Variants in FRAS1 observed in about 807,000 individuals in gnomAD.
FRAS1 encodes extracellular matrix organizing protein FRAS1.
Under a neutral mutation model 435.2 loss-of-function variants are expected in FRAS1, and 290 were observed. The observed-to-expected ratio is 0.67, with a 90% CI of 0.61 to 0.73. The LOEUF is 0.73. FRAS1 is among the 30% of genes least tolerant of loss of function. The probability of loss-of-function intolerance (pLI) is 0.00; values close to 1 mark genes in which losing one functional copy is unlikely to be tolerated. For missense variants in FRAS1, 4,860 were observed against 5,001.5 expected, an observed-to-expected ratio of 0.97 and a Z score of 0.85; for synonymous variants, 1,800 against 1,851.0, an observed-to-expected ratio of 0.97 and a Z score of 0.71.
At chr4:78,410,388 A>T (rs1037623966) in intron 31 of FRAS1, among the ~76,000 whole-genome samples, 1 of 151,544 alleles carries the variant, frequency 6.6e-6, no homozygotes, top group African/African-American at 2.4e-5. Flanking sequence ...CAAATTGGCC[A>T]TATATGGAAA....
intron 58 of FRAS1, among the ~76,000 whole-genome samples, chr4:78,486,228 G>A (rs572078093): frequency 1.3e-5 from 2 of 152,256 alleles, no homozygotes; most frequent in South Asian, 2.1e-4. Flanking sequence ...AGGCACTGGC[G>A]TTTACATTCA....
chr4:78,170,026 A>G (rs1721485598), intron 2 of FRAS1, among the ~76,000 whole-genome samples: 1 of 152,200 alleles, frequency 6.6e-6, no homozygotes, highest in Admixed American at 6.5e-5. Context: ...AAAGTCCTGC[A>G]CATAATATGT....
chr4:78,266,060 G>A (rs1726337622), intron 7 of FRAS1, among the ~76,000 whole-genome samples: 1 of 152,158 alleles, frequency 6.6e-6, no homozygotes, highest in African/African-American at 2.4e-5. Flanking sequence ...ATCTGTAATG[G>A]CATCTTCAAC....
rs370907958 is a variant in FRAS1 at position 78,507,479 on chromosome 4, T to A, written c.9375T>A (p.His3125Gln). 1.1e-4 allele frequency: 178 copies of A among 1,612,888 alleles called. 1 individual carries two copies. The highest frequency in any genetic ancestry group is 9.2e-5 in the Non-Finnish European group (109 of 1,179,508). The change falls in exon 62 of 74, where the codon CAT becomes CAA. Residue 3125 changes from histidine to glutamine, a missense_variant. Coordinates refer to ENST00000512123, the MANE Select transcript of FRAS1 (RefSeq NM_025074.7). The part of the protein sequence containing the change: ...EILSNEDREW[H>Q]ESFSLVLGPD... ...TGTCCAATGAAGACCGGGAATGGCA[T>A]GAATCTTTCTCACTAGTCCTTGGCC...
intron 68 of FRAS1, 127 bp downstream of exon 68, chr4:78,521,757 G>A: frequency 1.7e-6 from 1 of 593,628 alleles, no homozygotes; most frequent in Non-Finnish European, 2.9e-6. Context: ...ACATCCATGT[G>A]CACATACATC....
chr4:78,062,939 C>T (rs1182440763), intron 1 of FRAS1, among the ~76,000 whole-genome samples: 1 of 152,122 alleles, frequency 6.6e-6, no homozygotes, highest in Non-Finnish European at 1.5e-5. Context: ...TGGCATTGTT[C>T]ATAGTTAGAG....
At chr4:78,499,621 G>A (rs2109874066) in intron 60 of FRAS1, 100 bp from the exon 61 acceptor site, 1 of 1,155,942 alleles carries the variant, frequency 8.7e-7, no homozygotes, top group Non-Finnish European at 1.2e-6. Context: ...GTTAACTAAT[G>A]TGAACAATTT....
chr4:78,540,790 C>G lies in FRAS1; in HGVS notation c.11705C>G (p.Thr3902Ser). ...ELAVAASLSQ[T>S]GASIGSALAA... ...GCGGTAGCTGCGTCCCTGTCACAGA[C>G]TGGGGCGTCCATTGGCAGTGCCCTG... The change falls in exon 74 of 74, where the codon ACT becomes AGT. Residue 3902 changes from threonine (T) to serine (S), a missense_variant. Coordinates refer to ENST00000512123, the MANE Select transcript of FRAS1 (RefSeq NM_025074.7). The G allele has an allele frequency of 1.2e-6, 2 of 1,613,856 alleles. No individual in the cohort carries two copies. The highest frequency in any genetic ancestry group is 1.7e-6 in the Non-Finnish European group (2 of 1,179,782).
At chr4:78,279,780 C>T (rs566007289) in intron 10 of FRAS1, among the ~76,000 whole-genome samples, 4 of 152,082 alleles carry the variant, frequency 2.6e-5, no homozygotes, top group African/African-American at 9.6e-5. Flanking sequence ...TAAAAATATG[C>T]CAGTTGATCA....
chr4:78,235,407 C>G (rs1199275344), intron 2 of FRAS1, among the ~76,000 whole-genome samples: 7 of 152,198 alleles, frequency 4.6e-5, no homozygotes, highest in Admixed American at 3.9e-4. Flanking sequence ...TCTAAGGACT[C>G]TGTCAGGAGC....
rs1441030052 is a variant in FRAS1 at position 78,439,067 on chromosome 4, A to G, written c.5529+3A>G. 6.2e-7 allele frequency: 1 copy of G among 1,610,708 alleles called. No homozygotes were observed. Among genetic ancestry groups the G allele is most frequent in the African/African-American group, 1.3e-5 (1 of 74,876 alleles). ...TTGCTTTTGCTGACCTTATCACGGT[A>G]AACAATTCTCAGATCAATAAACAGT... On this transcript the variant is annotated splice_donor_region_variant and intron_variant, in intron 40 of 73. Transcript: ENST00000512123.
intron 9 of FRAS1, 126 bp from the exon 10 acceptor site, chr4:78,278,529 A>G (rs1727169994): frequency 1.6e-6 from 1 of 634,388 alleles, no homozygotes; most frequent in Non-Finnish European, 2.9e-6. Flanking sequence ...AAACAGGCAG[A>G]GGGCCAGAGC....
At chr4:78,191,939 C>T (rs528320599) in intron 2 of FRAS1, among the ~76,000 whole-genome samples, 2 of 152,198 alleles carry the variant, frequency 1.3e-5, no homozygotes, top group South Asian at 2.1e-4. Context: ...TCCAGTCTAT[C>T]ATTGTTGGAC....
At chr4:78,426,357 G>A (rs1733997354) in intron 35 of FRAS1, among the ~76,000 whole-genome samples, 1 of 152,078 alleles carries the variant, frequency 6.6e-6, no homozygotes, top group Admixed American at 6.6e-5. Context: ...CTATTATACA[G>A]TCCCATGGGC....
intron 2 of FRAS1, among the ~76,000 whole-genome samples, chr4:78,150,612 G>A (rs370814288): frequency 2.5e-4 from 38 of 152,316 alleles, no homozygotes; most frequent in African/African-American, 8.9e-4. Flanking sequence ...TCAAAGGGCA[G>A]CCTGTTAGTT....
At position 78,363,245 on chromosome 4, in the gene FRAS1, G is replaced by A. The variant is rs113614652; in HGVS notation, c.2423-268G>A. On this transcript the variant is annotated intron_variant, in intron 20 of 73. Transcript: ENST00000512123. The stretch of plus-strand genomic sequence containing the variant: ...TATACTCCTAGCAAGTATCTATCAC[G>A]TGACACCCTCGTATCTAAAGGTCAT... Among the ~76,000 whole-genome samples the A allele has an allele frequency of 2.8e-4, 43 of 152,200 alleles. 2 individuals carry two copies. The highest frequency in any genetic ancestry group is 3.4e-3 in the Middle Eastern group (1 of 294).
chr4:78,183,159 T>C (rs997887559), intron 2 of FRAS1, among the ~76,000 whole-genome samples: 13 of 152,140 alleles, frequency 8.5e-5, no homozygotes, highest in Non-Finnish European at 2.9e-5. Flanking sequence ...ACTTGCATAA[T>C]TCTTGGGTTG....
chr4:78,491,186 G>T (rs534365803), intron 59 of FRAS1, among the ~76,000 whole-genome samples: 7 of 152,176 alleles, frequency 4.6e-5, no homozygotes, highest in African/African-American at 1.7e-4. Context: ...ACCAAAAAAA[G>T]CCCAGGACCA....
chr4:78,419,767 C>A (rs1257163397), intron 33 of FRAS1, among the ~76,000 whole-genome samples: 1 of 152,060 alleles, frequency 6.6e-6, no homozygotes, highest in Non-Finnish European at 1.5e-5. Context: ...GATGGGGAGG[C>A]CTCAGGAAAC....
Sources: gnomAD v4.1 joint callset for allele counts (sites outside exome capture counted in the v4.1 genomes callset) on GRCh38, gnomAD v4.1.1 for gene constraint, MANE v1.5 for transcripts, NCBI Gene and HGNC (gene_info 2026-07-23, HGNC 2026-07-21) for gene names.